The following WDR64 variants were observed in gnomAD, a reference collection of about 807,000 sequenced individuals.
WDR64 encodes the protein WD repeat-containing protein 64.
WDR64 carries 112 observed loss-of-function variants against 139.3 expected under a neutral mutation model. That is an observed-to-expected ratio of 0.80 (90% CI 0.69 to 0.94). The LOEUF is 0.94. Among genes scored for constraint, WDR64 ranks in the 40% least tolerant of loss-of-function variants. WDR64 has a pLI of 0.00. For synonymous variants in WDR64, 444 were observed against 437.7 expected, an observed-to-expected ratio of 1.01 and a Z score of -0.18; for missense variants, 1,206 against 1,293.1, an observed-to-expected ratio of 0.93 and a Z score of 1.03.
intron 22 of WDR64, 81 bp from the exon 23 acceptor site, chr1:241,783,191 A>G (rs1402503583): frequency 1.6e-6 from 2 of 1,234,830 alleles, no homozygotes; most frequent in Non-Finnish European, 2.3e-6. Context: ...GCTTGGCTCA[A>G]TGAGAAATGA....
chr1:241,748,380 G>C (rs926213162), intron 13 of WDR64, among the ~76,000 whole-genome samples: 1 of 152,180 alleles, frequency 6.6e-6, no homozygotes, highest in Admixed American at 6.5e-5. Context: ...GGCAGATCTG[G>C]TGTCTGGCAA....
intron 10 of WDR64, among the ~76,000 whole-genome samples, chr1:241,723,747 T>G (rs923748656): frequency 6.6e-6 from 1 of 151,526 alleles, no homozygotes; most frequent in African/African-American, 2.4e-5. Flanking sequence ...AAATGAGGAT[T>G]TCTGTTATTA....
Position 241,679,614 on chromosome 1 carries a change from T to A in WDR64, c.624+19T>A. On this transcript the variant is annotated intron_variant, in intron 6 of 27. Transcript: ENST00000437684. ...CAGCCAGGTATTGTGCCAAGAGAAA[T>A]ACTCAAAGAAATGAGATTGTCTTTT... is the stretch of plus-strand genomic sequence containing the variant. 6.5e-7 allele frequency: 1 copy of A among 1,543,548 alleles called. No individual in the cohort carries two copies. Among genetic ancestry groups the A allele is most frequent in the South Asian group, 1.2e-5 (1 of 83,854 alleles).
In WDR64 at chr1:241,754,970, T is replaced by C. The variant is rs576102128; in HGVS notation, c.1771-2313T>C. On this transcript the variant is annotated intron_variant, in intron 14 of 27. Transcript: ENST00000437684. ...CACAGTTTCTTTATCCAGTCTATCA[T>C]TGATGGGCATTTAGGTTGGTTCCAA... 4.6e-5 allele frequency among the ~76,000 whole-genome samples: 7 copies of C among 152,338 alleles called. No individual in the cohort carries two copies. The South Asian group carries it at 6.2e-4, about 14-fold the overall frequency.
chr1:241,679,829 G>A (rs1014023572), intron 6 of WDR64, among the ~76,000 whole-genome samples: 10 of 152,064 alleles, frequency 6.6e-5, no homozygotes, highest in Admixed American at 5.2e-4. Flanking sequence ...TTTGAGAGAG[G>A]GGGTAATTCC....
chr1:241,734,367 A>G (rs1669212330), intron 10 of WDR64, among the ~76,000 whole-genome samples: 2 of 152,122 alleles, frequency 1.3e-5, no homozygotes, highest in Admixed American at 1.3e-4. Flanking sequence ...TGTGTCCTCA[A>G]CCTTGGCAAA....
intron 15 of WDR64, among the ~76,000 whole-genome samples, chr1:241,763,336 ATCTT>A (rs1658007402): frequency 6.6e-6 from 1 of 152,216 alleles, no homozygotes; most frequent in African/African-American, 2.4e-5. Flanking sequence ...CCAATTTTGA[ATCTT>A]TATTTTTTGT....
chr1:241,713,323 C>T (rs11579942), intron 9 of WDR64, among the ~76,000 whole-genome samples: 19,350 of 107,866 alleles, frequency 0.18, 1,898 homozygotes, highest in South Asian at 0.22. Flanking sequence ...AAAGAAAGGA[C>T]GAAGGAAGGA....
At chr1:241,749,250 A>C (rs1669888862) in intron 13 of WDR64, among the ~76,000 whole-genome samples, 1 of 152,316 alleles carries the variant, frequency 6.6e-6, no homozygotes, top group Middle Eastern at 3.4e-3. Flanking sequence ...TGGGAGAATA[A>C]CAACAGAAGA....
intron 21 of WDR64, among the ~76,000 whole-genome samples, chr1:241,779,700 G>T (rs1482523510): frequency 6.6e-6 from 1 of 151,960 alleles, no homozygotes; most frequent in East Asian, 1.9e-4. Flanking sequence ...CGTGGTGGCA[G>T]GCACCTGTAA....
At chr1:241,756,993 T>A (rs1231681863) in intron 14 of WDR64, among the ~76,000 whole-genome samples, 1 of 152,136 alleles carries the variant, frequency 6.6e-6, no homozygotes, top group Non-Finnish European at 1.5e-5. Context: ...ACAGCATTCA[T>A]AAAATGGCTT....
chr1:241,660,059 T>G (rs907400606), intron 1 of WDR64, among the ~76,000 whole-genome samples: 1 of 152,218 alleles, frequency 6.6e-6, no homozygotes, highest in African/African-American at 2.4e-5. Context: ...TTTAAGTCTT[T>G]AATCCATCCT....
chr1:241,795,269 C>CTCTCTGCCTA lies in WDR64; in HGVS notation c.3062_3071dup (p.Tyr1025SerfsTer11). On this transcript the variant is annotated frameshift_variant, in exon 26 of 28. Coordinates refer to ENST00000437684, the MANE Select transcript of WDR64 (RefSeq NM_001367482.1). LOFTEE classifies it high-confidence loss of function. Reference sequence around the variant, plus strand: ...ACAGAGAGGCAGGGATTGTTTTCGGCTCTCTGCCTATATACAGTGTGAGTT... The same window carrying CTCTCTGCCTA: ...ACAGAGAGGCAGGGATTGTTTTCGGCTCTCTGCCTATCTCTGCCTATATACAGTGTGAGTT... 6.2e-7 allele frequency: 1 copy of CTCTCTGCCTA among 1,613,774 alleles called. No homozygotes were observed. The highest frequency in any genetic ancestry group is 8.5e-7 in the Non-Finnish European group (1 of 1,179,854).
intron 10 of WDR64, among the ~76,000 whole-genome samples, chr1:241,725,929 T>G (rs1018876340): frequency 3.9e-5 from 6 of 152,154 alleles, no homozygotes; most frequent in Non-Finnish European, 7.3e-5. Context: ...GGCTCTCTGC[T>G]GTCTTGACCT....
At chr1:241,678,163 A>C (rs987688323) in intron 4 of WDR64, 24 bp from the exon 5 acceptor site, 2 of 398,750 alleles carry the variant, frequency 5.0e-6, no homozygotes, top group Non-Finnish European at 8.9e-6. Context: ...ACTAGGTTTC[A>C]TTATTCTCTT....
At chr1:241,759,497 C>T (rs1404438077) in intron 15 of WDR64, among the ~76,000 whole-genome samples, 1 of 152,170 alleles carries the variant, frequency 6.6e-6, no homozygotes, top group African/African-American at 2.4e-5. Flanking sequence ...TTGTTCCCTT[C>T]TTAACCTATA....
intron 1 of WDR64, among the ~76,000 whole-genome samples, chr1:241,658,466 CCT>C (rs1362323546): frequency 6.6e-5 from 10 of 151,552 alleles, no homozygotes; most frequent in Admixed American, 6.6e-4. Context: ...ATAGTGAGAC[CCT>C]GTCTCTGCAA....
At chr1:241,673,208 A>C (rs965690091) in intron 3 of WDR64, among the ~76,000 whole-genome samples, 1 of 151,764 alleles carries the variant, frequency 6.6e-6, no homozygotes, top group Non-Finnish European at 1.5e-5. Context: ...GAGGGATAGC[A>C]TTAGGAGATA....
intron 8 of WDR64, among the ~76,000 whole-genome samples, chr1:241,702,952 T>G (rs61825801): frequency 0.29 from 43,541 of 152,104 alleles, 7,993 homozygotes; most frequent in Non-Finnish European, 0.4. Flanking sequence ...ATTTTGCCAA[T>G]GTCTGATGTA....
Sources: gnomAD v4.1 joint callset for allele counts (sites outside exome capture counted in the v4.1 genomes callset) on GRCh38, gnomAD v4.1.1 for gene constraint, MANE v1.5 for transcripts, NCBI Gene and HGNC (gene_info 2026-07-23, HGNC 2026-07-21) for gene names.